Variants in DHRSX observed in about 807,000 individuals in gnomAD.
The protein encoded by DHRSX is dehydrogenase/reductase X-linked, also known as polyprenol dehydrogenase.
DHRSX carries 31 observed loss-of-function variants against 34.0 expected under a neutral mutation model. The ratio of observed to expected loss-of-function variants is 0.91; its 90% CI spans 0.69 to 1.23. The LOEUF (loss-of-function observed/expected upper bound fraction) is 1.23, where lower values mean the gene tolerates loss of function less well. DHRSX is among the 50% of genes most tolerant of loss of function. The pLI, the probability that DHRSX is intolerant of heterozygous loss-of-function variation, is 0.00. For missense variants in DHRSX, 414 were observed against 428.1 expected, an observed-to-expected ratio of 0.97 and a Z score of 0.29; for synonymous variants, 201 against 183.8, an observed-to-expected ratio of 1.09 and a Z score of -0.76.
At chrX:2,427,322 G>A (rs1172359240) in intron 1 of DHRSX, among the ~76,000 whole-genome samples, 5 of 152,320 alleles carry the variant, frequency 3.3e-5, no homozygotes, top group East Asian at 1.9e-4. Context: ...CCCAGAGTTC[G>A]TGAGCTTCTC....
rs779075679 is a variant in DHRSX at position 2,340,446 on chromosome X, C to CTGTGTG, written c.287-48849_287-48844dup. On this transcript the variant is annotated intron_variant, in intron 3 of 6. Transcript: ENST00000334651. ...TTCCATGGTGTGTGTGTGCGTCTGT[C>CTGTGTG]TGTGTGTGTGTGTGTATATATATAT... is the stretch of plus-strand genomic sequence containing the variant. 6.6e-3 allele frequency among the ~76,000 whole-genome samples: 994 copies of CTGTGTG among 150,680 alleles called. 21 individuals carry two copies. The highest frequency in any genetic ancestry group is 0.023 in the African/African-American group (952 of 41,016).
chrX:2,295,326 C>T (rs1416814076), intron 3 of DHRSX, among the ~76,000 whole-genome samples: 17 of 152,084 alleles, frequency 1.1e-4, no homozygotes. Flanking sequence ...ATCACAGGAA[C>T]AGAAAACCAA....
At chrX:2,319,794 T>C (rs987874799) in intron 3 of DHRSX, among the ~76,000 whole-genome samples, 4 of 152,056 alleles carry the variant, frequency 2.6e-5, no homozygotes, top group Admixed American at 6.6e-5. Flanking sequence ...TAGAGGTCAG[T>C]ACCCCTAACC....
intron 2 of DHRSX, among the ~76,000 whole-genome samples, chrX:2,417,582 C>T (rs1442947839): frequency 6.6e-6 from 1 of 151,916 alleles, no homozygotes; most frequent in African/African-American, 2.4e-5. Context: ...CATGATCTAA[C>T]CCAATTAGAC....
chrX:2,227,502 G>A (rs1177898804), intron 6 of DHRSX, among the ~76,000 whole-genome samples: 1 of 134,712 alleles, frequency 7.4e-6, no homozygotes, highest in Non-Finnish European at 1.6e-5. Context: ...AAAGAGGGAA[G>A]GAAGGAGAGA....
intron 4 of DHRSX, among the ~76,000 whole-genome samples, chrX:2,276,338 G>A (rs1355195373): frequency 1.3e-5 from 2 of 152,178 alleles, no homozygotes; most frequent in Non-Finnish European, 2.9e-5. Context: ...TCCACGTTAG[G>A]AGCATTCACG....
chrX:2,386,875 T>C (rs755018252), intron 3 of DHRSX, among the ~76,000 whole-genome samples: 2 of 136,088 alleles, frequency 1.5e-5, no homozygotes, highest in East Asian at 4.2e-4. Flanking sequence ...CTACTATTGA[T>C]GGTTTTGTTT....
At chrX:2,238,750 ATT>A (rs71301238) in intron 6 of DHRSX, among the ~76,000 whole-genome samples, 11 of 144,714 alleles carry the variant, frequency 7.6e-5, no homozygotes, top group Admixed American at 3.4e-4. Context: ...CACTCGGCTA[ATT>A]TTTTTTTTTT....
intron 1 of DHRSX, among the ~76,000 whole-genome samples, chrX:2,491,999 A>C (rs1027442025): frequency 2.3e-4 from 35 of 152,306 alleles, no homozygotes; most frequent in Non-Finnish European, 4.9e-4. Context: ...TGTGTCTCCA[A>C]GTGTCCAGTA....
At chrX:2,490,078 G>A (rs373123835) in intron 1 of DHRSX, 8 of 1,613,678 alleles carry the variant, frequency 5.0e-6, no homozygotes, top group South Asian at 2.2e-5. Context: ...GGAAGTGGGC[G>A]GCCAGCGTGA....
At chrX:2,464,285 G>A (rs1026682266) in intron 1 of DHRSX, among the ~76,000 whole-genome samples, 1 of 131,240 alleles carries the variant, frequency 7.6e-6, no homozygotes, top group African/African-American at 3.1e-5. Context: ...CGATCCCTAA[G>A]CTTGGGTTAA....
intron 3 of DHRSX, among the ~76,000 whole-genome samples, chrX:2,389,438 G>A (rs749735005): frequency 1.3e-5 from 2 of 152,186 alleles, no homozygotes; most frequent in Non-Finnish European, 2.9e-5. Context: ...GGGTAGGTAG[G>A]TTTCGTGTCC....
At chrX:2,358,160 C>G (rs767623235) in intron 3 of DHRSX, among the ~76,000 whole-genome samples, 9 of 152,178 alleles carry the variant, frequency 5.9e-5, no homozygotes, top group South Asian at 2.1e-4. Flanking sequence ...TTTAAAGTTA[C>G]GAAAGTTTCA....
intron 3 of DHRSX, among the ~76,000 whole-genome samples, chrX:2,303,809 ATGGGTGGGTGG>A: frequency 2.8e-5 from 1 of 36,220 alleles, no homozygotes; most frequent in Non-Finnish European, 4.9e-5. Context: ...GGGTGGGTGG[ATGGGTGGGTGG>A]ATGGGTGGGT....
intron 1 of DHRSX, among the ~76,000 whole-genome samples, chrX:2,428,757 C>T (rs1246870837): frequency 1.3e-5 from 2 of 152,162 alleles, no homozygotes; most frequent in East Asian, 1.9e-4. Context: ...TACCCCAGAA[C>T]TTAAAGTATA....
intron 5 of DHRSX, among the ~76,000 whole-genome samples, chrX:2,262,813 G>A (rs141822357): frequency 0.011 from 1,376 of 128,184 alleles, 19 homozygotes; most frequent in African/African-American, 0.039. Flanking sequence ...CATCGAGGCC[G>A]ACTCCCTCAT....
chrX:2,406,454 T>C (rs865870107), intron 3 of DHRSX, among the ~76,000 whole-genome samples: 1 of 133,246 alleles, frequency 7.5e-6, no homozygotes, highest in African/African-American at 2.9e-5. Context: ...TTTTTTTTTT[T>C]CTTTGAGACA....
chrX:2,323,143 T>A (rs2042333836), intron 3 of DHRSX, among the ~76,000 whole-genome samples: 1 of 152,070 alleles, frequency 6.6e-6, no homozygotes, highest in Admixed American at 6.6e-5. Flanking sequence ...AAGACAGTCT[T>A]GAAGCTCAAA....
intron 1 of DHRSX, among the ~76,000 whole-genome samples, chrX:2,461,019 C>T (rs144730961): frequency 0.035 from 5,273 of 152,182 alleles, 163 homozygotes; most frequent in South Asian, 0.071. Flanking sequence ...TTGTGCCCGG[C>T]CTCATACCAT....
Sources: gnomAD v4.1 joint callset for allele counts (sites outside exome capture counted in the v4.1 genomes callset) on GRCh38, gnomAD v4.1.1 for gene constraint, MANE v1.5 for transcripts, NCBI Gene and HGNC (gene_info 2026-07-23, HGNC 2026-07-21) for gene names.